RAB5C: variants seen among roughly 807,000 people sequenced by gnomAD.
The protein encoded by RAB5C is RAB5C, member RAS oncogene family.
A neutral mutation model predicts 25.2 loss-of-function variants in RAB5C; 4 were observed. The ratio of observed to expected loss-of-function variants is 0.16; its 90% CI spans 0.08 to 0.36. The LOEUF is 0.36. RAB5C is among the 10% of genes least tolerant of loss of function. The probability of loss-of-function intolerance (pLI) is 1.00; values close to 1 mark genes in which losing one functional copy is unlikely to be tolerated. For missense variants in RAB5C, 199 were observed against 283.8 expected, an observed-to-expected ratio of 0.70 and a Z score of 2.15; for synonymous variants, 100 against 106.4, an observed-to-expected ratio of 0.94 and a Z score of 0.37.
chr17:42,125,838 C>A lies in RAB5C; in HGVS notation c.596G>T (p.Gly199Val), dbSNP rs1555668652. The A allele has an allele frequency of 6.2e-7, 1 of 1,611,856 alleles. No individual in the cohort carries two copies. ...TGGGTTGTTCTCCTGGAGGTCCACACCTCGGTTTCGGCCTGGAGCACCAGT... is the reference window on the plus strand; with the variant it reads ...TGGGTTGTTCTCCTGGAGGTCCACAACTCGGTTTCGGCCTGGAGCACCAGT... ...NATGAPGRNR[G>V]VDLQENNPAS... is the part of the protein sequence containing the mutation. The change falls in exon 6 of 6, where the codon GGT (glycine) becomes GTT (valine). Residue 199 changes from glycine (G) to valine (V), a missense_variant. Physicochemically the swap from Gly to Val is moderately radical, Grantham distance 109. This residue lies in a region of RAB5C where 154 missense variants were observed against 199.6 expected (regional missense o/e 0.77). Transcript: ENST00000346213.
intron 1 of RAB5C, among the ~76,000 whole-genome samples, chr17:42,137,188 C>A (rs2054545348): frequency 6.6e-6 from 1 of 152,042 alleles, no homozygotes; most frequent in African/African-American, 2.4e-5. Flanking sequence ...CACCTGTAAT[C>A]CCAGCTACTT....
chr17:42,154,072 C>T (rs1053506904), intron 1 of RAB5C, among the ~76,000 whole-genome samples: 1 of 152,170 alleles, frequency 6.6e-6, no homozygotes, highest in Admixed American at 6.6e-5. Flanking sequence ...CCAAGAAAAG[C>T]AGTCCCTTTG....
chr17:42,144,874 C>T (rs1598255953), intron 1 of RAB5C, among the ~76,000 whole-genome samples: 1 of 126,438 alleles, frequency 7.9e-6, no homozygotes, highest in Admixed American at 9.7e-5. Flanking sequence ...TTGCAGTGAG[C>T]CGAGATTGCC....
chr17:42,128,388 G>A lies in RAB5C; in HGVS notation c.319-5C>T. 7 of 1,611,572 alleles carry A rather than the reference G, an allele frequency of 4.3e-6. No individual in the cohort carries two copies. Among genetic ancestry groups the A allele is most frequent in the Non-Finnish European group, 5.9e-6 (7 of 1,178,468 alleles). ...CTTGGCCCGTGCAAATGTATCCTGA[G>A]GAGACAGGGACAGAATGTCGAAGGG... On this transcript the variant is annotated splice_polypyrimidine_tract_variant and splice_region_variant and intron_variant, in intron 3 of 5. Transcript: ENST00000346213.
intron 2 of RAB5C, 64 bp from the exon 3 acceptor site, chr17:42,128,864 T>C (rs2054456860): frequency 2.2e-6 from 3 of 1,340,636 alleles, no homozygotes; most frequent in African/African-American, 3.0e-5. Context: ...ACAATCCCAC[T>C]GTTGCTTCTA....
chr17:42,140,788 A>T (rs1271585684), intron 1 of RAB5C, among the ~76,000 whole-genome samples: 1 of 151,736 alleles, frequency 6.6e-6, no homozygotes, highest in Non-Finnish European at 1.5e-5. Context: ...AGCCTCCCAA[A>T]GTGTTGGGAT....
chr17:42,137,203 G>A (rs1402362608), intron 1 of RAB5C, among the ~76,000 whole-genome samples: 1 of 152,036 alleles, frequency 6.6e-6, no homozygotes, highest in African/African-American at 2.4e-5. Context: ...CTACTTGGGA[G>A]GCTGAGGCAG....
At chr17:42,132,743 A>T (rs1568019976) in intron 1 of RAB5C, among the ~76,000 whole-genome samples, 1 of 151,584 alleles carries the variant, frequency 6.6e-6, no homozygotes, top group African/African-American at 2.4e-5. Flanking sequence ...TGTGTTGCCC[A>T]GGCTGGTCTC....
rs140453233 is a variant in RAB5C, at chr17:42,151,165, A to G, written c.-89+3728T>C. On this transcript the variant is annotated intron_variant, in intron 1 of 5. Transcript: ENST00000346213. ...AGAAGTAGAAGGTCTGGCCAGGCGC[A>G]GTGGCTCACGCCTGTAATCCCAGCA... 3.1e-3 allele frequency among the ~76,000 whole-genome samples: 465 copies of G among 151,918 alleles called. 2 individuals are homozygous for G. Among genetic ancestry groups the G allele is most frequent in the African/African-American group, 5.7e-3 (235 of 41,414 alleles).
At position 42,126,640 on chromosome 17, in the gene RAB5C, A is replaced by ATT. The variant is rs766872400; in HGVS notation, c.535+114_535+115insAA. 19 of 433,602 alleles carry ATT rather than the reference A, an allele frequency of 4.4e-5. 1 individual carries two copies. Among genetic ancestry groups the ATT allele is most frequent in the African/African-American group, 3.4e-4 (16 of 46,662 alleles). 26.9% of individuals were successfully genotyped at this position (433,602 alleles called of 1,614,324 possible). On this transcript the variant is annotated intron_variant, in intron 5 of 5. Coordinates refer to ENST00000346213, the MANE Select transcript of RAB5C (RefSeq NM_004583.4). ...GAGCGAGACTCCATCTCAAAAAAAAAAAAAAAAAAAAAAAAAAAGAGTGGT... is the reference window on the plus strand; with the variant it reads ...GAGCGAGACTCCATCTCAAAAAAAAATTAAAAAAAAAAAAAAAAAAGAGTGGT...
chr17:42,151,357 A>C (rs977086031), intron 1 of RAB5C, among the ~76,000 whole-genome samples: 1 of 152,096 alleles, frequency 6.6e-6, no homozygotes, highest in Non-Finnish European at 1.5e-5. Flanking sequence ...GAATGGCATG[A>C]ACCCGGGAGG....
intron 3 of RAB5C, 41 bp from the exon 4 acceptor site, chr17:42,128,424 C>G: frequency 6.3e-7 from 1 of 1,592,588 alleles, no homozygotes. Context: ...ACAGAGAAGG[C>G]ATTCTGCCCA....
chr17:42,146,849 A>T (rs1315915435), intron 1 of RAB5C, among the ~76,000 whole-genome samples: 2 of 151,332 alleles, frequency 1.3e-5, no homozygotes, highest in East Asian at 3.9e-4. Flanking sequence ...TACTAAAAGT[A>T]CAAAAAATTA....
In RAB5C at chr17:42,128,119, T is replaced by C. The variant is rs2054446608; in HGVS notation, c.441+142A>G. On this transcript the variant is annotated intron_variant, in intron 4 of 5. Coordinates refer to ENST00000346213, the MANE Select transcript of RAB5C (RefSeq NM_004583.4). ...ACAGACAGGAGCCATGTTAGGCCCA[T>C]GCCTGAGGCACGAGAGGACAGCAGA... The C allele has an allele frequency of 4.0e-6, 5 of 1,241,034 alleles. No individual in the cohort carries two copies. In the Admixed American group the frequency reaches 1.2e-4, roughly 31 times the overall value. The allele number at this position is 1,241,034 out of a possible 1,614,324, so 76.9% of individuals were successfully genotyped here.
At chr17:42,133,307 G>A (rs761739142) in intron 1 of RAB5C, among the ~76,000 whole-genome samples, 6 of 152,122 alleles carry the variant, frequency 3.9e-5, no homozygotes, top group Non-Finnish European at 8.8e-5. Flanking sequence ...CCAAGTCTCT[G>A]ATTCCAAAAA....
In RAB5C at chr17:42,125,913, G is replaced by A. The variant is rs750637048; in HGVS notation, c.536-15C>T. The A allele has an allele frequency of 7.6e-6, 12 of 1,581,616 alleles. No individual in the cohort carries two copies. Among genetic ancestry groups the A allele is most frequent in the Admixed American group, 5.3e-5 (3 of 57,040 alleles). ...AAGCTTCTTAGCTGTTTGGGAGGGG[G>A]AAAAGTGCATTTGTTGGGGGTACCC... On this transcript the variant is annotated splice_polypyrimidine_tract_variant and intron_variant, in intron 5 of 5. Transcript: ENST00000346213.
At chr17:42,153,187 G>C (rs868548456) in intron 1 of RAB5C, among the ~76,000 whole-genome samples, 1 of 152,156 alleles carries the variant, frequency 6.6e-6, no homozygotes, top group Non-Finnish European at 1.5e-5. Flanking sequence ...AGGCTGAGGC[G>C]GGTGGATCAC....
In RAB5C at chr17:42,130,569, T is replaced by C. The variant is rs761997455; in HGVS notation, c.-67A>G. The C allele has an allele frequency of 3.8e-6, 6 of 1,592,904 alleles. No individual in the cohort carries two copies. The highest frequency in any genetic ancestry group is 1.7e-4 in the Middle Eastern group (1 of 6,024). The stretch of plus-strand genomic sequence containing the variant: ...GACTGGTGCTATGCAAAGAGGCACT[T>C]AGTGGGGAGGGGGACCTCCAACTGT... On this transcript the variant is annotated 5_prime_UTR_variant, in exon 2 of 6. Transcript: ENST00000346213.
chr17:42,142,164 T>TAA (rs34759135), intron 1 of RAB5C, among the ~76,000 whole-genome samples: 9 of 136,088 alleles, frequency 6.6e-5, no homozygotes, highest in Non-Finnish European at 9.7e-5. Flanking sequence ...CATAACCTCT[T>TAA]AAAAAAAAAA....
Sources: gnomAD v4.1 joint callset for allele counts (sites outside exome capture counted in the v4.1 genomes callset) on GRCh38, gnomAD v4.1.1 for gene constraint, gnomAD v4.1.1 regional missense constraint, MANE v1.5 for transcripts, NCBI Gene and HGNC (gene_info 2026-07-23, HGNC 2026-07-21) for gene names.